ENOX1: variants seen among roughly 807,000 people sequenced by gnomAD.
The protein encoded by ENOX1 is ecto-NOX disulfide-thiol exchanger 1, also known as candidate growth-related and time keeping constitutive hydroquinone (NADH) oxidase.
Under a neutral mutation model 82.5 loss-of-function variants are expected in ENOX1, and 42 were observed. The ratio of observed to expected loss-of-function variants is 0.51; its 90% CI spans 0.40 to 0.66. ENOX1 has a LOEUF of 0.66. Ranked by LOEUF, ENOX1 falls within the 30% of genes least tolerant of loss-of-function variation. ENOX1 has a pLI of 0.00. For missense variants in ENOX1, 608 were observed against 811.6 expected, an observed-to-expected ratio of 0.75 and a Z score of 3.05; for synonymous variants, 271 against 282.2, an observed-to-expected ratio of 0.96 and a Z score of 0.40.
intron 3 of ENOX1, among the ~76,000 whole-genome samples, chr13:43,479,811 C>G (rs1346039912): frequency 1.3e-5 from 2 of 152,196 alleles, no homozygotes; most frequent in Non-Finnish European, 2.9e-5. Context: ...AGTTGCAGAC[C>G]TCCACTGCTG....
chr13:43,695,154 C>T (rs967378246), intron 1 of ENOX1, among the ~76,000 whole-genome samples: 1 of 152,006 alleles, frequency 6.6e-6, no homozygotes, highest in East Asian at 1.9e-4. Context: ...CACCAGGCCC[C>T]GCAGAGTGAT....
At chr13:43,275,828 T>C (rs979871541) in intron 12 of ENOX1, among the ~76,000 whole-genome samples, 1 of 152,162 alleles carries the variant, frequency 6.6e-6, no homozygotes, top group Non-Finnish European at 1.5e-5. Flanking sequence ...ATGTACATGA[T>C]AACTAAGTCA....
intron 2 of ENOX1, among the ~76,000 whole-genome samples, chr13:43,648,062 G>T (rs894642219): frequency 2.0e-5 from 3 of 152,202 alleles, no homozygotes; most frequent in African/African-American, 4.8e-5. Flanking sequence ...TGAGAACTGT[G>T]TTGGACTTCC....
At chr13:43,761,334 G>C (rs990844411) in intron 1 of ENOX1, among the ~76,000 whole-genome samples, 1 of 152,118 alleles carries the variant, frequency 6.6e-6, no homozygotes, top group Non-Finnish European at 1.5e-5. Flanking sequence ...TACCTCAGAC[G>C]ATAAAGAAAA....
chr13:43,386,278 C>G (rs757632463), intron 5 of ENOX1, among the ~76,000 whole-genome samples: 9 of 152,124 alleles, frequency 5.9e-5, no homozygotes, highest in African/African-American at 2.2e-4. Context: ...GTTACACATC[C>G]CTCTGTGTCC....
At chr13:43,580,526 T>C (rs943982616) in intron 2 of ENOX1, among the ~76,000 whole-genome samples, 1 of 152,228 alleles carries the variant, frequency 6.6e-6, no homozygotes, top group African/African-American at 2.4e-5. Flanking sequence ...TATTCTTCTT[T>C]CTACAGCAGT....
intron 2 of ENOX1, among the ~76,000 whole-genome samples, chr13:43,629,680 TAC>T (rs1402678250): frequency 6.6e-6 from 1 of 152,260 alleles, no homozygotes; most frequent in Non-Finnish European, 1.5e-5. Context: ...TTGAACCAAT[TAC>T]ATTTCTGCAG....
chr13:43,586,734 C>T (rs1463801259), intron 2 of ENOX1, among the ~76,000 whole-genome samples: 2 of 152,112 alleles, frequency 1.3e-5, no homozygotes, highest in Non-Finnish European at 2.9e-5. Context: ...GACACCATGT[C>T]CTCACACTCC....
At chr13:43,247,848 TATATATATATATATA>T (rs2043173621) in intron 14 of ENOX1, among the ~76,000 whole-genome samples, 1 of 1,892 alleles carries the variant, frequency 5.3e-4, no homozygotes, top group Non-Finnish European at 1.2e-3. Context: ...TATATATATA[TATATATATATATATA>T]TATATATATA....
At chr13:43,675,257 C>G (rs1307268941) in intron 1 of ENOX1, among the ~76,000 whole-genome samples, 2 of 152,090 alleles carry the variant, frequency 1.3e-5, no homozygotes, top group African/African-American at 4.8e-5. Context: ...GCTGACAGGA[C>G]TGGTGATGGA....
At chr13:43,587,409 C>T (rs2081047889) in intron 2 of ENOX1, among the ~76,000 whole-genome samples, 1 of 152,094 alleles carries the variant, frequency 6.6e-6, no homozygotes, top group East Asian at 1.9e-4. Flanking sequence ...CAATGGTGAA[C>T]ACAGTGAGTA....
intron 5 of ENOX1, among the ~76,000 whole-genome samples, chr13:43,402,974 G>A (rs139313717): frequency 7.2e-5 from 11 of 152,174 alleles, no homozygotes; most frequent in African/African-American, 2.6e-4. Flanking sequence ...CTCTACTCCA[G>A]AGGAAATCAA....
chr13:43,722,699 C>G (rs745594830), intron 1 of ENOX1, among the ~76,000 whole-genome samples: 2 of 151,842 alleles, frequency 1.3e-5, no homozygotes, highest in East Asian at 3.9e-4. Context: ...TAAAATTACT[C>G]TTATCACTGT....
chr13:43,346,392 G>T (rs1455940278), intron 8 of ENOX1, among the ~76,000 whole-genome samples: 1 of 151,976 alleles, frequency 6.6e-6, no homozygotes, highest in Non-Finnish European at 1.5e-5. Flanking sequence ...GGGATCAAAG[G>T]TTTTTTTTCT....
At chr13:43,498,853 T>C (rs2076882714) in intron 2 of ENOX1, among the ~76,000 whole-genome samples, 2 of 152,088 alleles carry the variant, frequency 1.3e-5, no homozygotes, top group Admixed American at 6.6e-5. Flanking sequence ...CATCAGGAGA[T>C]GGAACTTAAT....
intron 1 of ENOX1, among the ~76,000 whole-genome samples, chr13:43,765,766 T>C (rs1027036246): frequency 6.6e-6 from 1 of 152,170 alleles, no homozygotes; most frequent in African/African-American, 2.4e-5. Context: ...AAAATAATCA[T>C]TACCCAGTTC....
intron 9 of ENOX1, among the ~76,000 whole-genome samples, chr13:43,334,998 G>A (rs1244114959): frequency 6.6e-6 from 1 of 152,192 alleles, no homozygotes; most frequent in Non-Finnish European, 1.5e-5. Context: ...AACTAGCTGT[G>A]TGACCTGAAG....
intron 1 of ENOX1, among the ~76,000 whole-genome samples, chr13:43,781,352 TCAG>T (rs1952246923): frequency 6.6e-6 from 1 of 152,198 alleles, no homozygotes; most frequent in South Asian, 2.1e-4. Context: ...GGCACTGTTC[TCAG>T]TGCTGGGGGT....
intron 2 of ENOX1, among the ~76,000 whole-genome samples, chr13:43,614,843 G>A (rs1409636645): frequency 6.6e-6 from 1 of 152,132 alleles, no homozygotes; most frequent in Non-Finnish European, 1.5e-5. Context: ...ACAAAATGTG[G>A]TCTGAGGACC....
Sources: allele counts gnomAD v4.1 joint callset (sites outside exome capture counted in the v4.1 genomes callset), GRCh38; gene constraint gnomAD v4.1.1; transcripts MANE v1.5; gene names NCBI Gene and HGNC (gene_info 2026-07-23, HGNC 2026-07-21).